Variants in OR2T35 observed in about 807,000 individuals in gnomAD.
OR2T35 encodes the protein olfactory receptor 2T35.
For synonymous variants in OR2T35, 18 were observed against 110.2 expected (o/e 0.16, Z 5.24); for missense variants, 47 against 278.8 (o/e 0.17, Z 5.92).
intron 1 of OR2T35, among the ~76,000 whole-genome samples, chr1:248,639,499 G>A (rs1660764080): frequency 6.6e-6 from 1 of 151,270 alleles, no homozygotes; most frequent in Non-Finnish European, 1.5e-5. Flanking sequence ...TCATAGTTCT[G>A]TACTCTACAG....
intron 1 of OR2T35, among the ~76,000 whole-genome samples, chr1:248,642,216 CA>C (rs61189391): frequency 0.14 from 7,705 of 53,500 alleles, 633 homozygotes; most frequent in Non-Finnish European, 0.17. Context: ...CTAGTCTTTC[CA>C]AAAAAAAAAA....
chr1:248,639,484 G>A (rs1027886359), intron 1 of OR2T35, among the ~76,000 whole-genome samples: 3 of 151,552 alleles, frequency 2.0e-5, no homozygotes, highest in Non-Finnish European at 4.4e-5. Flanking sequence ...ATCTGTGAAA[G>A]GTCATCATAG....
chr1:248,638,158 C>T lies in OR2T35; in HGVS notation c.*129G>A, dbSNP rs1320622928. On this transcript the variant is annotated 3_prime_UTR_variant, in exon 2 of 2. Coordinates refer to ENST00000641268, the MANE Select transcript of OR2T35 (RefSeq NM_001001827.2). ...TTTCTGTAATAGCTGCGTTATTGGC[C>T]GCAGCACCGCAGATGTTTGCACTAG... 7 of 611,728 alleles carry T rather than the reference C, an allele frequency of 1.1e-5. 2 individuals carry two copies. The highest frequency in any genetic ancestry group is 6.5e-5 in the East Asian group (2 of 30,778). 37.9% of individuals were successfully genotyped at this position (611,728 alleles called of 1,614,324 possible).
intron 1 of OR2T35, 99 bp from the exon 2 acceptor site, chr1:248,639,379 A>T (rs1660762375): frequency 1.7e-6 from 1 of 578,798 alleles, no homozygotes; most frequent in South Asian, 2.0e-5. Flanking sequence ...TCAAGAAAAG[A>T]TCACCTACTT....
At chr1:248,641,741 C>T (rs1770061) in intron 1 of OR2T35, among the ~76,000 whole-genome samples, 771 of 76,718 alleles carry the variant, frequency 0.01, 28 homozygotes, top group African/African-American at 0.023. Context: ...GAGCGTTGTG[C>T]GTACATGTGT....
At position 248,638,592 on chromosome 1, in the gene OR2T35, G is replaced by C; in HGVS notation, c.667C>G (p.Leu223Val). 1.3e-6 allele frequency: 2 copies of C among 1,574,536 alleles called. No homozygotes were observed. Among genetic ancestry groups the C allele is most frequent in the Non-Finnish European group, 1.7e-6 (2 of 1,158,636 alleles). ...VISVSYTHIL[L>V]TVHRMNSAEG... Reference sequence around the variant, plus strand: ...GCAGAGTTCATCCTGTGGACAGTCAGGAGGATGTGCGTGTAGGACACAGAG... The same window carrying C: ...GCAGAGTTCATCCTGTGGACAGTCACGAGGATGTGCGTGTAGGACACAGAG... The change falls in exon 2 of 2, where the codon CTG becomes GTG. Residue 223 changes from leucine (L) to valine (V), a missense_variant. Coordinates refer to ENST00000641268, the MANE Select transcript of OR2T35 (RefSeq NM_001001827.2).
At position 248,638,595 on chromosome 1, in the gene OR2T35, G is replaced by A. The variant is rs148862734; in HGVS notation, c.664C>T (p.Leu222Phe). 949 of 1,574,264 alleles carry A rather than the reference G, an allele frequency of 6.0e-4. 20 individuals carry two copies. In the African/African-American group the frequency reaches 9.2e-3, roughly 15 times the overall value. ...SVISVSYTHI[L>F]LTVHRMNSAE... is the part of the protein sequence containing the mutation. ...GAGTTCATCCTGTGGACAGTCAGGA[G>A]GATGTGCGTGTAGGACACAGAGATG... Residue 222 changes from leucine (L) to phenylalanine (F), a missense_variant, in exon 2 of 2, where the codon CTC (leucine) becomes TTC (phenylalanine). Coordinates refer to ENST00000641268, the MANE Select transcript of OR2T35 (RefSeq NM_001001827.2).
chr1:248,644,722 AAAGC>A (rs2103110043), intron 1 of OR2T35, among the ~76,000 whole-genome samples: 1 of 141,034 alleles, frequency 7.1e-6, no homozygotes, highest in Non-Finnish European at 1.6e-5. Context: ...TTTAGTCTTG[AAAGC>A]AAGATTAATA....
chr1:248,643,002 CAT>C (rs552836976), intron 1 of OR2T35, among the ~76,000 whole-genome samples: 22 of 126,798 alleles, frequency 1.7e-4, no homozygotes, highest in African/African-American at 6.3e-4. Flanking sequence ...TTAAGGGGCA[CAT>C]AGTTAAGTTT....
At chr1:248,644,593 G>A (rs1306617909) in intron 1 of OR2T35, among the ~76,000 whole-genome samples, 1 of 144,244 alleles carries the variant, frequency 6.9e-6, no homozygotes, top group Non-Finnish European at 1.5e-5. Context: ...GAGTGCGGCT[G>A]GAAAGTGAAG....
At chr1:248,643,743 CTT>C (rs1234428895) in intron 1 of OR2T35, among the ~76,000 whole-genome samples, 330 of 10,470 alleles carry the variant, frequency 0.032, 3 homozygotes, top group African/African-American at 0.059. Context: ...GTGGCTATAA[CTT>C]TTTCAGTTTG....
rs779385037 is a variant in OR2T35, at chr1:248,638,619, T to A, written c.640A>T (p.Ile214Phe). 1.3e-6 allele frequency: 2 copies of A among 1,544,948 alleles called. No individual in the cohort carries two copies. Among genetic ancestry groups the A allele is most frequent in the Non-Finnish European group, 1.7e-6 (2 of 1,145,698 alleles). Reference protein sequence around the residue: ...VLMLLIPLSVISVSYTHILLT... With the variant: ...VLMLLIPLSVFSVSYTHILLT... Reference sequence around the variant, plus strand: ...AGGATGTGCGTGTAGGACACAGAGATGACAGATAGAGGGATAAGCAGCATC... The same window carrying A: ...AGGATGTGCGTGTAGGACACAGAGAAGACAGATAGAGGGATAAGCAGCATC... Residue 214 changes from isoleucine to phenylalanine, a missense_variant, in exon 2 of 2, where the codon ATC (isoleucine) becomes TTC (phenylalanine). Ile to Phe is a conservative substitution (Grantham distance 21, BLOSUM62 0). Transcript: ENST00000641268.
In OR2T35 at chr1:248,642,216, CAAAA is replaced by C. The variant is rs61189391; in HGVS notation, c.-22-2940_-22-2937del. On this transcript the variant is annotated intron_variant, in intron 1 of 1. Transcript: ENST00000641268. ...GTTCCCCTTCATCAACTAGTCTTTC[CAAAA>C]AAAAAAAAAAAAAAAGAAAAAGAAA... 7.4e-3 allele frequency among the ~76,000 whole-genome samples: 399 copies of C among 53,578 alleles called. 12 individuals carry two copies. The highest frequency in any genetic ancestry group is 0.015 in the Non-Finnish European group (256 of 16,818). 35.1% of individuals were successfully genotyped at this position (53,578 alleles called of 152,430 possible). A position where few individuals can be genotyped will look rare whatever the true frequency, so the allele number is the denominator to read the frequency against.
chr1:248,639,569 T>G (rs1179226721), intron 1 of OR2T35, among the ~76,000 whole-genome samples: 2 of 130,926 alleles, frequency 1.5e-5, no homozygotes, highest in Non-Finnish European at 3.4e-5. Context: ...TGATTTTTAC[T>G]TTGAACTATC....
At chr1:248,644,188 TTAAC>T (rs1660826028) in intron 1 of OR2T35, among the ~76,000 whole-genome samples, 1 of 120,010 alleles carries the variant, frequency 8.3e-6, no homozygotes, top group African/African-American at 3.0e-5. Flanking sequence ...GGATTGCAGG[TTAAC>T]TAAAACTATG....
In OR2T35 at chr1:248,638,370, C is replaced by T. The variant is rs1572106735; in HGVS notation, c.889G>A (p.Val297Met). Reference protein sequence around the residue: ...PLIYSLRNKDVAAALRKVLGR... With the variant: ...PLIYSLRNKDMAAALRKVLGR... ...AGTACTTTCCTCAGAGCTGCAGCCA[C>T]ATCTTTATTCCTCAAGCTGTAGATG... is the stretch of plus-strand genomic sequence containing the variant. The change falls in exon 2 of 2, where the codon GTG becomes ATG. Residue 297 changes from valine (V) to methionine (M), a missense_variant. Transcript: ENST00000641268. 5 of 1,045,894 alleles carry T rather than the reference C, an allele frequency of 4.8e-6. No homozygotes were observed. The highest frequency in any genetic ancestry group is 3.2e-5 in the African/African-American group (2 of 61,748). The allele number at this position is 1,045,894 out of a possible 1,614,324, so 64.8% of individuals were successfully genotyped here.
intron 1 of OR2T35, among the ~76,000 whole-genome samples, chr1:248,642,224 A>AAAAG (rs1553273937): frequency 1.7e-5 from 1 of 58,460 alleles, no homozygotes; most frequent in African/African-American, 3.6e-5. Flanking sequence ...TCCAAAAAAA[A>AAAAG]AAAAAAAAAA....
chr1:248,645,183 C>T lies in OR2T35; in HGVS notation c.-23+64G>A, dbSNP rs1490716419. ...CATGTAGGTGAACATTTATTGAACA[C>T]TTACTATGCCAGAAATTAGTTCAGT... On this transcript the variant is annotated intron_variant, in intron 1 of 1. Transcript: ENST00000641268. 1.5e-5 allele frequency: 2 copies of T among 132,156 alleles called. 1 individual carries two copies. The highest frequency in any genetic ancestry group is 3.3e-5 in the Non-Finnish European group (2 of 60,068). The allele number at this position is 132,156 out of a possible 1,614,324, so 8.2% of individuals were successfully genotyped here. A position where few individuals can be genotyped will look rare whatever the true frequency, so the allele number is the denominator to read the frequency against.
intron 1 of OR2T35, among the ~76,000 whole-genome samples, chr1:248,642,860 T>TA (rs927886774): frequency 9.1e-5 from 4 of 43,808 alleles, no homozygotes; most frequent in East Asian, 6.3e-4. Flanking sequence ...AACGTACCTG[T>TA]AAAGCTTGAA....
Sources: allele counts gnomAD v4.1 joint callset (sites outside exome capture counted in the v4.1 genomes callset), GRCh38; gene constraint gnomAD v4.1.1; transcripts MANE v1.5; gene names NCBI Gene and HGNC (gene_info 2026-07-23, HGNC 2026-07-21).